Variants in TLL1 observed in about 807,000 individuals in gnomAD.
The protein encoded by TLL1 is tolloid-like protein 1.
TLL1 carries 49 observed loss-of-function variants against 128.2 expected under a neutral mutation model. The ratio of observed to expected loss-of-function variants is 0.38; its 90% CI spans 0.30 to 0.48. The LOEUF (loss-of-function observed/expected upper bound fraction) is 0.48, where lower values mean the gene tolerates loss of function less well. Among genes scored for constraint, TLL1 ranks in the 20% least tolerant of loss-of-function variants. The pLI is 0.96. For missense variants in TLL1, 1,123 were observed against 1,242.0 expected (o/e 0.90, Z 1.44); for synonymous variants, 454 against 418.8 (o/e 1.08, Z -1.03).
At chr4:165,876,435 C>T (rs1406702797) in intron 1 of TLL1, among the ~76,000 whole-genome samples, 1 of 152,178 alleles carries the variant, frequency 6.6e-6, no homozygotes. Flanking sequence ...ACACTTGGGG[C>T]ATCTTTGATC....
chr4:166,006,533 A>G (rs912208251), intron 6 of TLL1, among the ~76,000 whole-genome samples: 2 of 151,812 alleles, frequency 1.3e-5, no homozygotes, highest in African/African-American at 4.8e-5. Flanking sequence ...GTTAATAAGT[A>G]TAAAATTAGA....
rs553635120 is a variant in TLL1 at position 166,055,791 on chromosome 4, A to G, written c.1720+520A>G. ...CATAACTACATTTCAGTTTATTCTTATGTCCCATATTTTGTATGTATTGTG... is the reference window on the plus strand; with the variant it reads ...CATAACTACATTTCAGTTTATTCTTGTGTCCCATATTTTGTATGTATTGTG... On this transcript the variant is annotated intron_variant, in intron 13 of 20. Coordinates refer to ENST00000061240, the MANE Select transcript of TLL1 (RefSeq NM_012464.5). Among the ~76,000 whole-genome samples, 3 of 152,218 alleles carry G rather than the reference A, an allele frequency of 2.0e-5. No individual in the cohort carries two copies. The South Asian group carries it at 6.2e-4, about 32-fold the overall frequency.
intron 8 of TLL1, among the ~76,000 whole-genome samples, chr4:166,023,484 T>C (rs1480070371): frequency 6.6e-6 from 1 of 152,244 alleles, no homozygotes; most frequent in Non-Finnish European, 1.5e-5. Flanking sequence ...GACTTAGTAG[T>C]GCCCACTTTT....
intron 19 of TLL1, among the ~76,000 whole-genome samples, chr4:166,097,136 G>A (rs750852102): frequency 2.6e-5 from 4 of 152,004 alleles, no homozygotes; most frequent in African/African-American, 9.7e-5. Flanking sequence ...AAAAGAAATT[G>A]TGGAAAAAAG....
chr4:165,943,627 A>T (rs1400599298), intron 1 of TLL1, among the ~76,000 whole-genome samples: 1 of 152,022 alleles, frequency 6.6e-6, no homozygotes, highest in Non-Finnish European at 1.5e-5. Flanking sequence ...GTTATTTGGA[A>T]ATTGTTTCCT....
chr4:165,997,943 T>G (rs1402820532), intron 5 of TLL1, among the ~76,000 whole-genome samples: 2 of 152,312 alleles, frequency 1.3e-5, no homozygotes, highest in East Asian at 3.9e-4. Flanking sequence ...AACTGAGCTA[T>G]AAGTATTTTA....
At chr4:165,903,595 T>C (rs1561017995) in intron 1 of TLL1, among the ~76,000 whole-genome samples, 1 of 151,572 alleles carries the variant, frequency 6.6e-6, no homozygotes, top group Non-Finnish European at 1.5e-5. Context: ...GTATTTTTAG[T>C]AGAGACGGGG....
intron 1 of TLL1, among the ~76,000 whole-genome samples, chr4:165,941,641 T>G (rs1233074641): frequency 1.3e-5 from 2 of 152,156 alleles, no homozygotes; most frequent in African/African-American, 2.4e-5. Context: ...AAAATGTACC[T>G]GATTTGAAGT....
chr4:166,053,683 G>T (rs146985408), intron 12 of TLL1, among the ~76,000 whole-genome samples: 2 of 152,098 alleles, frequency 1.3e-5, no homozygotes, highest in African/African-American at 2.4e-5. Flanking sequence ...AGTTTCATGC[G>T]TTCAAGTTGC....
At chr4:166,059,981 G>C (rs756719999) in intron 14 of TLL1, 47 bp from the exon 15 acceptor site, 14 of 1,607,706 alleles carry the variant, frequency 8.7e-6, no homozygotes, top group Non-Finnish European at 1.1e-5. Context: ...CTAAGAAGTG[G>C]GTGACTTCAT....
rs868310593 is a variant in TLL1, at chr4:165,873,889, C to A, written c.-16C>A. ...CCTCTGGGTCCCGTCCCCTCCTTTT[C>A]CTCCGGGGGAGGAGGATGGGGTTGG... On this transcript the variant is annotated 5_prime_UTR_variant, in exon 1 of 21. Transcript: ENST00000061240. The A allele has an allele frequency of 3.7e-6, 6 of 1,613,448 alleles. No homozygotes were observed. Among genetic ancestry groups the A allele is most frequent in the Non-Finnish European group, 5.1e-6 (6 of 1,180,004 alleles).
intron 8 of TLL1, among the ~76,000 whole-genome samples, chr4:166,019,024 A>G (rs1275538595): frequency 6.6e-6 from 1 of 152,174 alleles, no homozygotes; most frequent in East Asian, 1.9e-4. Flanking sequence ...TCACTGCACT[A>G]TTTCCAATAG....
intron 15 of TLL1, among the ~76,000 whole-genome samples, chr4:166,060,600 A>G (rs994166113): frequency 6.6e-6 from 1 of 152,212 alleles, no homozygotes; most frequent in African/African-American, 2.4e-5. Flanking sequence ...TACATTATAT[A>G]TGTAGCTTTT....
intron 1 of TLL1, among the ~76,000 whole-genome samples, chr4:165,968,346 A>G (rs1311750794): frequency 6.6e-6 from 1 of 152,206 alleles, no homozygotes; most frequent in Non-Finnish European, 1.5e-5. Flanking sequence ...GTAATAGTAA[A>G]CAAACTGCTT....
At chr4:165,923,057 T>C (rs1733104805) in intron 1 of TLL1, among the ~76,000 whole-genome samples, 2 of 152,212 alleles carry the variant, frequency 1.3e-5, no homozygotes, top group Admixed American at 6.5e-5. Flanking sequence ...CAAAGAATTA[T>C]AAACCACTTT....
intron 16 of TLL1, among the ~76,000 whole-genome samples, chr4:166,067,740 G>A (rs1176310402): frequency 6.6e-6 from 1 of 151,674 alleles, no homozygotes; most frequent in Non-Finnish European, 1.5e-5. Context: ...ATTGTTTGAT[G>A]GAGTATAAGC....
At chr4:165,932,142 C>T (rs1351000681) in intron 1 of TLL1, among the ~76,000 whole-genome samples, 1 of 152,114 alleles carries the variant, frequency 6.6e-6, no homozygotes, top group African/African-American at 2.4e-5. Context: ...TAAGAAACAC[C>T]ACCAGAGACA....
At chr4:165,982,007 A>G (rs1189420401) in intron 1 of TLL1, among the ~76,000 whole-genome samples, 1 of 152,050 alleles carries the variant, frequency 6.6e-6, no homozygotes, top group African/African-American at 2.4e-5. Flanking sequence ...CTGACGCGGA[A>G]TAATTTTGCT....
chr4:165,988,490 G>T (rs183024421), intron 1 of TLL1, among the ~76,000 whole-genome samples: 3 of 151,946 alleles, frequency 2.0e-5, no homozygotes, highest in African/African-American at 7.2e-5. Flanking sequence ...TTAGCCCAGC[G>T]CAGTGGAGTG....
Sources: allele counts gnomAD v4.1 joint callset (sites outside exome capture counted in the v4.1 genomes callset), GRCh38; gene constraint gnomAD v4.1.1; transcripts MANE v1.5; gene names NCBI Gene and HGNC (gene_info 2026-07-23, HGNC 2026-07-21).